ZNF277: variants seen among roughly 807,000 people sequenced by gnomAD.
The protein encoded by ZNF277 is zinc finger protein 277, also known as nuclear receptor-interacting factor 4.
A neutral mutation model predicts 60.7 loss-of-function variants in ZNF277; 55 were observed. The observed-to-expected ratio is 0.91, with a 90% CI of 0.73 to 1.13. The LOEUF is 1.13. Among genes scored for constraint, ZNF277 ranks in the 50% most tolerant of loss-of-function variants. The probability of loss-of-function intolerance (pLI) is 0.00; values close to 1 mark genes in which losing one functional copy is unlikely to be tolerated. For synonymous variants in ZNF277, 178 were observed against 179.3 expected, an observed-to-expected ratio of 0.99 and a Z score of 0.06; for missense variants, 510 against 523.0, an observed-to-expected ratio of 0.98 and a Z score of 0.24.
At chr7:112,209,801 C>T (rs1398650557) in intron 1 of ZNF277, among the ~76,000 whole-genome samples, 1 of 151,826 alleles carries the variant, frequency 6.6e-6, no homozygotes, top group Admixed American at 6.6e-5. Context: ...TATGTCTTTC[C>T]CTGTAAAAAT....
intron 4 of ZNF277, among the ~76,000 whole-genome samples, chr7:112,297,667 A>G (rs1792385871): frequency 6.6e-6 from 1 of 152,238 alleles, no homozygotes; most frequent in Admixed American, 6.5e-5. Flanking sequence ...CTCTCCTTAT[A>G]GCAGTGTCTT....
At chr7:112,243,904 G>C (rs574428493) in intron 1 of ZNF277, among the ~76,000 whole-genome samples, 2 of 152,016 alleles carry the variant, frequency 1.3e-5, no homozygotes, top group African/African-American at 4.8e-5. Context: ...AAACCTACGC[G>C]TCCATCAATG....
At chr7:112,329,730 G>A (rs974574887) in intron 6 of ZNF277, among the ~76,000 whole-genome samples, 1 of 152,096 alleles carries the variant, frequency 6.6e-6, no homozygotes, top group Admixed American at 6.6e-5. Context: ...CATACAATGG[G>A]TGCAGTCAGT....
chr7:112,341,022 A>G lies in ZNF277; in HGVS notation c.1160A>G (p.Asp387Gly). The G allele has an allele frequency of 1.2e-6, 2 of 1,600,954 alleles. No individual in the cohort carries two copies. Among genetic ancestry groups the G allele is most frequent in the South Asian group, 1.2e-5 (1 of 86,724 alleles). ...EETKHTSLLP[D>G]RKTWDQLEYY... ...ACTAAACACACTTCGCTGCTCCCCGATAGAAAGACGTGGGATCAACTGGAG... is the reference window on the plus strand; with the variant it reads ...ACTAAACACACTTCGCTGCTCCCCGGTAGAAAGACGTGGGATCAACTGGAG... Residue 387 changes from aspartate (D) to glycine (G), a missense_variant, in exon 11 of 12, where the codon GAT becomes GGT. Transcript: ENST00000361822.
At chr7:112,335,003 A>G (rs1487372192) in intron 7 of ZNF277, among the ~76,000 whole-genome samples, 1 of 152,170 alleles carries the variant, frequency 6.6e-6, no homozygotes, top group African/African-American at 2.4e-5. Context: ...ATCTAAATGT[A>G]TGCATCATTT....
intron 4 of ZNF277, among the ~76,000 whole-genome samples, chr7:112,303,498 A>C (rs893134029): frequency 1.1e-4 from 17 of 152,038 alleles, no homozygotes; most frequent in African/African-American, 4.1e-4. Flanking sequence ...ATACTTCTTC[A>C]GGCTGGTAAT....
intron 1 of ZNF277, among the ~76,000 whole-genome samples, chr7:112,257,905 C>T (rs572675707): frequency 6.6e-6 from 1 of 152,046 alleles, no homozygotes; most frequent in South Asian, 2.1e-4. Flanking sequence ...CCCCGAACTC[C>T]TAGGCTCAAG....
chr7:112,300,788 A>G lies in ZNF277; in HGVS notation c.465+4477A>G, dbSNP rs115946857. ...TATTTGCCTGTTCTCCTTTTATTAC[A>G]TAATGACACCACCATTCTCCTGGTC... is the stretch of plus-strand genomic sequence containing the variant. On this transcript the variant is annotated intron_variant, in intron 4 of 11. Coordinates refer to ENST00000361822, the MANE Select transcript of ZNF277 (RefSeq NM_021994.3). 9.4e-3 allele frequency among the ~76,000 whole-genome samples: 1,428 copies of G among 152,264 alleles called. 17 individuals are homozygous for G. Among genetic ancestry groups the G allele is most frequent in the African/African-American group, 0.032 (1,337 of 41,540 alleles).
chr7:112,317,956 TG>T (rs1277941182), intron 4 of ZNF277, among the ~76,000 whole-genome samples: 1 of 152,116 alleles, frequency 6.6e-6, no homozygotes, highest in Non-Finnish European at 1.5e-5. Flanking sequence ...AAAACCTTGT[TG>T]ATTTTAATTC....
intron 7 of ZNF277, among the ~76,000 whole-genome samples, chr7:112,334,000 A>C (rs1584419489): frequency 6.6e-6 from 1 of 152,224 alleles, no homozygotes. Flanking sequence ...TGGTTTTGCT[A>C]TGATTTTTAT....
At chr7:112,308,796 T>C (rs1211098748) in intron 4 of ZNF277, among the ~76,000 whole-genome samples, 3 of 152,060 alleles carry the variant, frequency 2.0e-5, no homozygotes, top group African/African-American at 7.2e-5. Context: ...AGCATACAAA[T>C]GTATTTAGTA....
intron 4 of ZNF277, among the ~76,000 whole-genome samples, chr7:112,316,308 T>C (rs1792842338): frequency 6.6e-6 from 1 of 152,100 alleles, no homozygotes; most frequent in Admixed American, 6.6e-5. Context: ...TGCCCACTTT[T>C]TGAAGGGTTT....
chr7:112,243,628 A>G (rs1791011164), intron 1 of ZNF277, among the ~76,000 whole-genome samples: 1 of 152,104 alleles, frequency 6.6e-6, no homozygotes, highest in Non-Finnish European at 1.5e-5. Context: ...AAAACACAAT[A>G]CCATCTTACA....
chr7:112,272,709 G>C (rs1791700328), intron 1 of ZNF277, among the ~76,000 whole-genome samples: 1 of 152,102 alleles, frequency 6.6e-6, no homozygotes, highest in Non-Finnish European at 1.5e-5. Context: ...GGCCAGGCTG[G>C]TCTCAAACTC....
intron 6 of ZNF277, chr7:112,328,268 A>T (rs1371632790): frequency 1.9e-5 from 3 of 154,010 alleles, no homozygotes; most frequent in Non-Finnish European, 4.3e-5. Context: ...CAAATTATGG[A>T]ATGGTGTTTA....
At chr7:112,337,850 A>C in intron 9 of ZNF277, 24 bp downstream of exon 9, 1 of 1,585,404 alleles carries the variant, frequency 6.3e-7, no homozygotes, top group Non-Finnish European at 8.6e-7. Context: ...ATTTATTTGA[A>C]TTTTGTTTTA....
At position 112,250,559 on chromosome 7, in the gene ZNF277, G is replaced by A. The variant is rs567776183; in HGVS notation, c.92-36314G>A. ...CCTACCGACATGTGATGTCTCCCCC[G>A]GATGCCCGGCTTTAAAATTTCTCTC... On this transcript the variant is annotated intron_variant, in intron 1 of 11. Transcript: ENST00000361822. Among the ~76,000 whole-genome samples, 6 of 152,204 alleles carry A rather than the reference G, an allele frequency of 3.9e-5. No individual in the cohort carries two copies. The East Asian group carries it at 1.2e-3, about 29-fold the overall frequency.
At chr7:112,221,746 C>G (rs1822037060) in intron 1 of ZNF277, among the ~76,000 whole-genome samples, 1 of 152,102 alleles carries the variant, frequency 6.6e-6, no homozygotes, top group Admixed American at 6.5e-5. Flanking sequence ...AATGCTGACA[C>G]TAATCTGACA....
In ZNF277 at chr7:112,283,462, G is replaced by A. The variant is rs933388456; in HGVS notation, c.92-3411G>A. ...CGCTTGAACCTGGGAGGCGGAGGTT[G>A]CAGTGAGCTGAGATTGTGCCCCTGC... On this transcript the variant is annotated intron_variant, in intron 1 of 11. Coordinates refer to ENST00000361822, the MANE Select transcript of ZNF277 (RefSeq NM_021994.3). Among the ~76,000 whole-genome samples the A allele has an allele frequency of 4.6e-5, 7 of 152,322 alleles. No individual in the cohort carries two copies. In the East Asian group the frequency reaches 5.8e-4, roughly 13 times the overall value.
Sources: allele counts gnomAD v4.1 joint callset (sites outside exome capture counted in the v4.1 genomes callset), GRCh38; gene constraint gnomAD v4.1.1; transcripts MANE v1.5; gene names NCBI Gene and HGNC (gene_info 2026-07-23, HGNC 2026-07-21).